Variants in COL9A3 observed in about 807,000 individuals in gnomAD.
COL9A3 encodes collagen type IX alpha 3 chain, also known as collagen alpha-3(IX) chain.
A neutral mutation model predicts 110.2 loss-of-function variants in COL9A3; 82 were observed. The observed-to-expected ratio is 0.74, with a 90% CI of 0.62 to 0.89. COL9A3 has a LOEUF of 0.89. COL9A3 is among the 40% of genes least tolerant of loss of function. The pLI, the probability that COL9A3 is intolerant of heterozygous loss-of-function variation, is 0.00. For missense variants in COL9A3, 1,066 were observed against 981.3 expected (o/e 1.09, Z -1.15); for synonymous variants, 494 against 403.8 (o/e 1.22, Z -2.68).
intron 9 of COL9A3, 102 bp downstream of exon 9, chr20:62,822,266 T>A (rs143183416): frequency 1.2e-6 from 1 of 801,046 alleles, no homozygotes; most frequent in Non-Finnish European, 2.3e-6. Flanking sequence ...CCCTCCGAGA[T>A]CTCCTAACCC....
chr20:62,826,325 C>T lies in COL9A3; in HGVS notation c.738+68C>T, dbSNP rs1215691637. On this transcript the variant is annotated intron_variant, in intron 14 of 31. Coordinates refer to ENST00000649368, the MANE Select transcript of COL9A3 (RefSeq NM_001853.4). ...GGGCCTGGTTGTCTGCACCTCCAGA[C>T]TTCAGATGGGCCCCGTGAGTGACAC... is the stretch of plus-strand genomic sequence containing the variant. 3.6e-6 allele frequency: 5 copies of T among 1,395,336 alleles called. No individual in the cohort carries two copies. In the East Asian group the frequency reaches 1.0e-4, roughly 28 times the overall value. 86.4% of individuals were successfully genotyped at this position (1,395,336 alleles called of 1,614,324 possible).
chr20:62,823,687 T>G (rs144873969), intron 10 of COL9A3, among the ~76,000 whole-genome samples: 2 of 152,238 alleles, frequency 1.3e-5, no homozygotes, highest in African/African-American at 4.8e-5. Context: ...AGCTGTAGGA[T>G]CATCTAGAAG....
intron 14 of COL9A3, 115 bp downstream of exon 14, chr20:62,826,372 G>A (rs2063552629): frequency 2.9e-6 from 3 of 1,020,554 alleles, no homozygotes; most frequent in Admixed American, 2.2e-5. Context: ...CGGCACCCTG[G>A]CTCTGGCCAT....
Position 62,826,241 on chromosome 20 carries a change from G to C in COL9A3, c.722G>C (p.Gly241Ala), listed in dbSNP as rs991678832. 36 of 1,555,022 alleles carry C rather than the reference G, an allele frequency of 2.3e-5. No individual in the cohort carries two copies. Among genetic ancestry groups the C allele is most frequent in the Middle Eastern group, 1.8e-4 (1 of 5,692 alleles). ...RGLRGLPGPL[G>A]PPGDRGPIGF... ...TTACGAGGACTGCCAGGGCCACTCGGGCCCCCTGGGGACCGGGTAAGTCCT... is the reference window on the plus strand; with the variant it reads ...TTACGAGGACTGCCAGGGCCACTCGCGCCCCCTGGGGACCGGGTAAGTCCT... The change falls in exon 14 of 32, where the codon GGG (glycine) becomes GCG (alanine). Residue 241 changes from glycine (G) to alanine (A), a missense_variant. Gly to Ala is a moderately conservative substitution (Grantham distance 60). Transcript: ENST00000649368.
intron 29 of COL9A3, chr20:62,836,862 A>G: frequency 1.4e-6 from 1 of 694,234 alleles, no homozygotes; most frequent in Non-Finnish European, 2.5e-6. Flanking sequence ...CCCCAAGGGC[A>G]CTTCCTTCAC....
chr20:62,838,803 C>T (rs1175280475), intron 31 of COL9A3, 42 bp downstream of exon 31: 2 of 1,472,662 alleles, frequency 1.4e-6, no homozygotes, highest in Non-Finnish European at 9.3e-7. Flanking sequence ...GGTGACATCT[C>T]TTCCGCCATC....
At chr20:62,828,715 A>C (rs941422246) in intron 17 of COL9A3, 49 bp from the exon 18 acceptor site, 1 of 1,603,036 alleles carries the variant, frequency 6.2e-7, no homozygotes. Flanking sequence ...CTGTAGAGGG[A>C]GGGAGGGGGG....
chr20:62,833,314 G>T (rs145515402), intron 26 of COL9A3, among the ~76,000 whole-genome samples: 1 of 152,252 alleles, frequency 6.6e-6, no homozygotes, highest in East Asian at 1.9e-4. Flanking sequence ...GTGCTCAGAC[G>T]TGTGGGCTCC....
Position 62,828,909 on chromosome 20 carries a change from C to T in COL9A3, c.955-14C>T. ...TCAGCCTCCCCTTCCGCACCCCAAT[C>T]TCTGTCCTCACAGGGAGAGGCTGGT... is the stretch of plus-strand genomic sequence containing the variant. On this transcript the variant is annotated splice_polypyrimidine_tract_variant and intron_variant, in intron 18 of 31. Transcript: ENST00000649368. 1 of 1,612,502 alleles carries T rather than the reference C, an allele frequency of 6.2e-7. No homozygotes were observed. Among genetic ancestry groups the T allele is most frequent in the Non-Finnish European group, 8.5e-7 (1 of 1,179,900 alleles).
rs954019321 is a variant in COL9A3 at position 62,840,875 on chromosome 20, T to C, written c.*143T>C. On this transcript the variant is annotated 3_prime_UTR_variant, in exon 32 of 32. Coordinates refer to ENST00000649368, the MANE Select transcript of COL9A3 (RefSeq NM_001853.4). ...CGGCCGCCGACTGGACGCGCGGGCC[T>C]TGCCAGCGAGCACCCTCATCGGGCT... 5.5e-6 allele frequency: 5 copies of C among 901,472 alleles called. No individual in the cohort carries two copies. In the East Asian group the frequency reaches 7.9e-5, roughly 14 times the overall value. The allele number at this position is 901,472 out of a possible 1,614,324, so 55.8% of individuals were successfully genotyped here.
intron 2 of COL9A3, 98 bp from the exon 3 acceptor site, chr20:62,818,420 G>A (rs915632497): frequency 1.7e-6 from 2 of 1,196,460 alleles, no homozygotes; most frequent in Admixed American, 3.4e-5. Context: ...CTGGGCCTCT[G>A]GGGCTGATTT....
chr20:62,830,337 C>A, intron 22 of COL9A3, 23 bp from the exon 23 acceptor site: 1 of 1,563,600 alleles, frequency 6.4e-7, no homozygotes, highest in Non-Finnish European at 8.7e-7. Context: ...GACATCCGCT[C>A]ACACCTCACC....
chr20:62,834,675 G>A (rs1370259657), intron 26 of COL9A3, among the ~76,000 whole-genome samples: 1 of 151,712 alleles, frequency 6.6e-6, no homozygotes, highest in African/African-American at 2.4e-5. Flanking sequence ...ACGGAGTCTT[G>A]CTCTGTCCCC....
At position 62,824,477 on chromosome 20, in the gene COL9A3, G is replaced by T. The variant is rs886056909; in HGVS notation, c.552G>T (p.Gly184=). 1.9e-6 allele frequency: 3 copies of T among 1,600,276 alleles called. No homozygotes were observed. Among genetic ancestry groups the T allele is most frequent in the Middle Eastern group, 3.3e-4 (2 of 6,008 alleles). ...GTATCTGCCCGCCAGGTCCCCCAGG[G>T]CCCCCTGGAATGCCAGGGTTCAAGG... is the stretch of plus-strand genomic sequence containing the variant. The part of the protein sequence containing the change: ...CPSICPPGPP[G]PPGMPGFKGP... Residue 184 remains glycine (G), a synonymous_variant, in exon 11 of 32, where the codon GGG becomes GGT. Transcript: ENST00000649368.
At chr20:62,837,706 C>A (rs2063647921) in intron 30 of COL9A3, among the ~76,000 whole-genome samples, 1 of 152,080 alleles carries the variant, frequency 6.6e-6, no homozygotes, top group South Asian at 2.1e-4. Flanking sequence ...ACTCAGGAGG[C>A]TGAGGCAGGA....
At position 62,829,812 on chromosome 20, in the gene COL9A3, G is replaced by T. The variant is rs777539454; in HGVS notation, c.1154G>T (p.Gly385Val). The T allele has an allele frequency of 6.4e-7, 1 of 1,571,330 alleles. No individual in the cohort carries two copies. The highest frequency in any genetic ancestry group is 8.6e-7 in the Non-Finnish European group (1 of 1,159,276). Residue 385 changes from glycine (G) to valine (V), a missense_variant, in exon 22 of 32, where the codon GGC (glycine) becomes GTC (valine). Coordinates refer to ENST00000649368, the MANE Select transcript of COL9A3 (RefSeq NM_001853.4). ...GAGCGCGGTGAGGCTGGCCACCGGGGCTCAGCGGTGAGTGCAGGGACATGG... is the reference window on the plus strand; with the variant it reads ...GAGCGCGGTGAGGCTGGCCACCGGGTCTCAGCGGTGAGTGCAGGGACATGG... ...PGERGEAGHR[G>V]SAGALGPQGP...
chr20:62,827,214 G>T (rs2063560979), intron 15 of COL9A3, 27 bp from the exon 16 acceptor site: 1 of 1,612,872 alleles, frequency 6.2e-7, no homozygotes, highest in Non-Finnish European at 8.5e-7. Context: ...TGTTAACTCT[G>T]TCCCTGCCCC....
rs146578812 is a variant in COL9A3, at chr20:62,836,531, C to T, written c.1602C>T (p.Ser534=). The T allele has an allele frequency of 2.4e-4, 379 of 1,610,018 alleles. No individual in the cohort carries two copies. In the East Asian group the frequency reaches 3.6e-3, roughly 15 times the overall value. The change falls in exon 29 of 32, where the codon AGC becomes AGT. Residue 534 remains serine, a splice_region_variant and synonymous_variant. Coordinates refer to ENST00000649368, the MANE Select transcript of COL9A3 (RefSeq NM_001853.4). ...RIRELCGGMI[S]EQIAQLAAHL... ...GGGAGCTGTGTGGGGGGATGATCAG[C>T]GGTAAGTCAGCCACGTGCACCGGCT...
chr20:62,828,114 C>A, intron 17 of COL9A3, 138 bp downstream of exon 17: 2 of 842,788 alleles, frequency 2.4e-6, no homozygotes, highest in Non-Finnish European at 1.9e-6. Context: ...GGTGGAACAG[C>A]CCCGCAGCCC....
Sources: gnomAD v4.1 joint callset for allele counts (sites outside exome capture counted in the v4.1 genomes callset) on GRCh38, gnomAD v4.1.1 for gene constraint, MANE v1.5 for transcripts, NCBI Gene and HGNC (gene_info 2026-07-23, HGNC 2026-07-21) for gene names.